The following DHX38 variants were observed in gnomAD, a reference collection of about 807,000 sequenced individuals.
DHX38 encodes DEAH-box helicase 38, also known as pre-mRNA-splicing factor ATP-dependent RNA helicase PRP16.
In DHX38, 100 loss-of-function variants were observed where a neutral mutation model predicts 153.1. The observed-to-expected ratio is 0.65, with a 90% CI of 0.56 to 0.77. The LOEUF (loss-of-function observed/expected upper bound fraction) is 0.77, where lower values mean the gene tolerates loss of function less well. Among genes scored for constraint, DHX38 ranks in the 30% least tolerant of loss-of-function variants. The probability of loss-of-function intolerance (pLI) is 0.00; values close to 1 mark genes in which losing one functional copy is unlikely to be tolerated. For missense variants in DHX38, 1,440 were observed against 1,654.0 expected (o/e 0.87, Z 2.24); for synonymous variants, 650 against 631.7 (o/e 1.03, Z -0.43).
In DHX38 at chr16:72,103,941, T is replaced by C; in HGVS notation, c.1825-5T>C. On this transcript the variant is annotated splice_polypyrimidine_tract_variant and splice_region_variant and intron_variant, in intron 13 of 26. Transcript: ENST00000268482. ...GGGCATCTGAGCCATCTCTCTGACCTCCAGGTGGGCTATGCCATCCGCTTT... is the reference window on the plus strand; with the variant it reads ...GGGCATCTGAGCCATCTCTCTGACCCCCAGGTGGGCTATGCCATCCGCTTT... 1.2e-6 allele frequency: 2 copies of C among 1,613,460 alleles called. No homozygotes were observed. Among genetic ancestry groups the C allele is most frequent in the Non-Finnish European group, 1.7e-6 (2 of 1,179,378 alleles).
In DHX38 at chr16:72,107,712, C is replaced by G. The variant is rs750232600; in HGVS notation, c.2877C>G (p.Leu959=). The change falls in exon 21 of 27, where the codon CTC becomes CTG. Residue 959 remains leucine, a synonymous_variant. Transcript: ENST00000268482. The surrounding 1 kb of genome is among the most constrained non-coding windows in gnomAD (Gnocchi z 5.3). The stretch of plus-strand genomic sequence containing the variant: ...TGGACCCTGCCCTGTCCAAGATGCT[C>G]ATCGTGTCCTGTGACATGGGCTGCA... The part of the protein sequence containing the change: ...FPLDPALSKM[L]IVSCDMGCSS... The G allele has an allele frequency of 6.2e-7, 1 of 1,614,158 alleles. No homozygotes were observed. The highest frequency in any genetic ancestry group is 1.1e-5 in the South Asian group (1 of 91,078).
chr16:72,098,913 G>A lies in DHX38; in HGVS notation c.765-14G>A. The A allele has an allele frequency of 6.2e-7, 1 of 1,614,180 alleles. No individual in the cohort carries two copies. The highest frequency in any genetic ancestry group is 1.1e-5 in the South Asian group (1 of 91,078). On this transcript the variant is annotated splice_polypyrimidine_tract_variant and intron_variant, in intron 5 of 26. Coordinates refer to ENST00000268482, the MANE Select transcript of DHX38 (RefSeq NM_014003.4). ...TCAGTGACAGTTTTGTGATGCTGGT[G>A]CTGCTGTTCCCAGGTCTGTGAGGGG...
Position 72,112,671 on chromosome 16 carries a change from T to G in DHX38, c.*174T>G. 1 of 753,026 alleles carries G rather than the reference T, an allele frequency of 1.3e-6. No homozygotes were observed. Among genetic ancestry groups the G allele is most frequent in the South Asian group, 1.5e-5 (1 of 68,692 alleles). The allele number at this position is 753,026 out of a possible 1,614,324, so 46.6% of individuals were successfully genotyped here. ...CTCTCTGGCAGAGGAGGTGGAGTTC[T>G]TCCATGCAGGAGCACGGCATGGCGG... On this transcript the variant is annotated 3_prime_UTR_variant, in exon 27 of 27. Coordinates refer to ENST00000268482, the MANE Select transcript of DHX38 (RefSeq NM_014003.4).
intron 19 of DHX38, among the ~76,000 whole-genome samples, chr16:72,106,650 T>C (rs1220729812): frequency 6.6e-6 from 1 of 152,090 alleles, no homozygotes; most frequent in Non-Finnish European, 1.5e-5. Context: ...GGTCTTGCTA[T>C]GTTGCCCAGG....
rs529808628 is a variant in DHX38 at position 72,104,882 on chromosome 16, C to T, written c.2152-145C>T. On this transcript the variant is annotated intron_variant, in intron 15 of 26. Transcript: ENST00000268482. The surrounding 1 kb of genome is among the most constrained non-coding windows in gnomAD (Gnocchi z 4.5). ...GCACTGTGCCCTCTTGTAGAGGCCT[C>T]GCAGTCAGGCCCATGTGGAGGTGTG... 1.1e-4 allele frequency: 91 copies of T among 863,344 alleles called. No individual in the cohort carries two copies. The African/African-American group carries it at 1.2e-3, about 11-fold the overall frequency. The allele number at this position is 863,344 out of a possible 1,614,324, so 53.5% of individuals were successfully genotyped here. A position where few individuals can be genotyped will look rare whatever the true frequency, so the allele number is the denominator to read the frequency against.
At chr16:72,112,380 G>A (rs374129316) in intron 26 of DHX38, 33 bp from the exon 27 acceptor site, 76 of 1,600,456 alleles carry the variant, frequency 4.7e-5, no homozygotes, top group Middle Eastern at 1.7e-4. Flanking sequence ...GTGAGGGCAC[G>A]GTGTTTCCTG....
At chr16:72,110,276 G>A (rs1195975582) in intron 25 of DHX38, among the ~76,000 whole-genome samples, 2 of 152,320 alleles carry the variant, frequency 1.3e-5, no homozygotes, top group South Asian at 2.1e-4. Context: ...TGCACTTGCT[G>A]TAAGCTGGCG....
Position 72,104,950 on chromosome 16 carries a change from G to A in DHX38, c.2152-77G>A. On this transcript the variant is annotated intron_variant, in intron 15 of 26. Transcript: ENST00000268482. This position sits in a 1 kb window ranked among gnomAD's most constrained non-coding sequence, Gnocchi z 4.5. ...TGGCTCCATTCCAGAGCAGTGCCTG[G>A]GCCACTGGGCTCCCAGGAGATGCCC... The A allele has an allele frequency of 7.1e-7, 1 of 1,404,640 alleles. No individual in the cohort carries two copies. Among genetic ancestry groups the A allele is most frequent in the East Asian group, 2.4e-5 (1 of 41,944 alleles). The allele number at this position is 1,404,640 out of a possible 1,614,324, so 87.0% of individuals were successfully genotyped here. A position where few individuals can be genotyped will look rare whatever the true frequency, so the allele number is the denominator to read the frequency against.
chr16:72,096,179 G>A lies in DHX38; in HGVS notation c.22G>A (p.Ala8Thr). 1.2e-6 allele frequency: 2 copies of A among 1,606,376 alleles called. No homozygotes were observed. Among genetic ancestry groups the A allele is most frequent in the South Asian group, 1.1e-5 (1 of 90,802 alleles). The change falls in exon 2 of 27, where the codon GCC (alanine) becomes ACC (threonine). Residue 8 changes from alanine to threonine, a missense_variant. Coordinates refer to ENST00000268482, the MANE Select transcript of DHX38 (RefSeq NM_014003.4). ...TGTGATGGGGGACACCAGTGAGGAT[G>A]CCTCGATCCATCGATTGGAAGGCAC... MGDTSED[A>T]SIHRLEGTDL...
At position 72,105,628 on chromosome 16, in the gene DHX38, A is replaced by C. The variant is rs960131163; in HGVS notation, c.2487+4A>C. 4 of 1,614,106 alleles carry C rather than the reference A, an allele frequency of 2.5e-6. No individual in the cohort carries two copies. Among genetic ancestry groups the C allele is most frequent in the Non-Finnish European group, 3.4e-6 (4 of 1,179,990 alleles). Reference sequence around the variant, plus strand: ...TTCTGGTTATTGCAAATTAAAGGTAAGAGAAGACATGGGAGGCAAGGCCTG... The same window carrying C: ...TTCTGGTTATTGCAAATTAAAGGTACGAGAAGACATGGGAGGCAAGGCCTG... On this transcript the variant is annotated splice_donor_region_variant and intron_variant, in intron 18 of 26. Coordinates refer to ENST00000268482, the MANE Select transcript of DHX38 (RefSeq NM_014003.4).
At chr16:72,110,794 G>T (rs2042245344) in intron 25 of DHX38, among the ~76,000 whole-genome samples, 162 bp from the exon 26 acceptor site, 1 of 151,972 alleles carries the variant, frequency 6.6e-6, no homozygotes, top group Non-Finnish European at 1.5e-5. Flanking sequence ...GCAGGCCTCA[G>T]CTGCAGAAGA....
At position 72,101,608 on chromosome 16, in the gene DHX38, T is replaced by C; in HGVS notation, c.1495T>C (p.Tyr499His). 6.4e-7 allele frequency: 1 copy of C among 1,551,418 alleles called. No individual in the cohort carries two copies. The highest frequency in any genetic ancestry group is 1.4e-5 in the African/African-American group (1 of 73,158). The stretch of plus-strand genomic sequence containing the variant: ...TGTGACGGAGGATGGGAAGGTGGAC[T>C]ACAGGTGGGCAGCCTCAGCCAGCAG... ...KAVTEDGKVD[Y>H]RTEQKFADHM... The change falls in exon 11 of 27, where the codon TAC (tyrosine) becomes CAC (histidine). Residue 499 changes from tyrosine (Y) to histidine (H), a missense_variant. By Grantham distance (83) the Tyr-to-His change is moderately conservative (BLOSUM62 2). Around this residue, in one of 6 missense-constraint regions of DHX38, gnomAD observed 241 missense variants for 229.5 expected, o/e 1.05. Coordinates refer to ENST00000268482, the MANE Select transcript of DHX38 (RefSeq NM_014003.4).
intron 25 of DHX38, among the ~76,000 whole-genome samples, chr16:72,110,554 G>A (rs1232496831): frequency 6.6e-6 from 1 of 152,220 alleles, no homozygotes; most frequent in Non-Finnish European, 1.5e-5. Context: ...AAATGGTGCT[G>A]GGCTTTGGCT....
At position 72,112,827 on chromosome 16, in the gene DHX38, G is replaced by T. The variant is rs1323330544; in HGVS notation, c.*330G>T. ...TGTGGCTGTCTTTTTTAATCCTTGT[G>T]TAAAGCAGCAAAAAAGACCTAAAGG... On this transcript the variant is annotated 3_prime_UTR_variant, in exon 27 of 27. Coordinates refer to ENST00000268482, the MANE Select transcript of DHX38 (RefSeq NM_014003.4). 1.4e-6 allele frequency: 1 copy of T among 702,568 alleles called. No individual in the cohort carries two copies. Among genetic ancestry groups the T allele is most frequent in the South Asian group, 1.5e-5 (1 of 67,592 alleles). 43.5% of individuals were successfully genotyped at this position (702,568 alleles called of 1,614,324 possible). A position where few individuals can be genotyped will look rare whatever the true frequency, so the allele number is the denominator to read the frequency against.
intron 1 of DHX38, among the ~76,000 whole-genome samples, chr16:72,094,848 G>A (rs939029966): frequency 2.0e-5 from 3 of 152,232 alleles, no homozygotes; most frequent in African/African-American, 7.2e-5. Context: ...TCTCAACTGC[G>A]TAGAATGGCA....
rs1273745206 is a variant in DHX38 at position 72,104,795 on chromosome 16, TC to T, written c.2151+170del. 3.9e-5 allele frequency among the ~76,000 whole-genome samples: 6 copies of T among 152,168 alleles called. No homozygotes were observed. The highest frequency in any genetic ancestry group is 1.4e-4 in the African/African-American group (6 of 41,426). Reference sequence around the variant, plus strand: ...GCTCTGGGACTCGGGGACAAAGGACTCTGCTCTGGGTGAGGTTTTGTTTCAT... The same window carrying T: ...GCTCTGGGACTCGGGGACAAAGGACTTGCTCTGGGTGAGGTTTTGTTTCAT... On this transcript the variant is annotated intron_variant, in intron 15 of 26. Transcript: ENST00000268482. This position sits in a 1 kb window ranked among gnomAD's most constrained non-coding sequence, Gnocchi z 4.5.
intron 11 of DHX38, 140 bp downstream of exon 11, chr16:72,101,752 T>A: frequency 1.5e-6 from 1 of 652,826 alleles, no homozygotes; most frequent in Non-Finnish European, 2.7e-6. Context: ...CCATTCTCTC[T>A]GGTCCCTTCC....
Position 72,104,598 on chromosome 16 carries a change from C to G in DHX38, c.2123C>G (p.Thr708Ser), listed in dbSNP as rs2042147352. 5.6e-6 allele frequency: 9 copies of G among 1,614,062 alleles called. No homozygotes were observed. Among genetic ancestry groups the G allele is most frequent in the Non-Finnish European group, 7.6e-6 (9 of 1,180,034 alleles). ...NVPIFHIPGR[T>S]FPVDILFSKT... is the part of the protein sequence containing the mutation. ...CCCATCTTCCACATCCCTGGCCGTA[C>G]CTTCCCTGTTGACATCCTCTTCAGC... The change falls in exon 15 of 27, where the codon ACC becomes AGC. Residue 708 changes from threonine to serine, a missense_variant. By Grantham distance (58) the Thr-to-Ser change is moderately conservative. Around this residue, in one of 6 missense-constraint regions of DHX38, gnomAD observed 543 missense variants for 717.9 expected, o/e 0.76. Coordinates refer to ENST00000268482, the MANE Select transcript of DHX38 (RefSeq NM_014003.4). This position sits in a 1 kb window ranked among gnomAD's most constrained non-coding sequence, Gnocchi z 4.5.
At position 72,105,578 on chromosome 16, in the gene DHX38, T is replaced by A; in HGVS notation, c.2441T>A (p.Val814Asp). ...AATATTGCCGAGACGTCTCTCACTGTTGACGGCATCATGTTTGTTATCGAT... is the reference window on the plus strand; with the variant it reads ...AATATTGCCGAGACGTCTCTCACTGATGACGGCATCATGTTTGTTATCGAT... Reference protein sequence around the residue: ...ATNIAETSLTVDGIMFVIDSG... With the variant: ...ATNIAETSLTDDGIMFVIDSG... Residue 814 changes from valine (V) to aspartate (D), a missense_variant, in exon 18 of 27, where the codon GTT becomes GAT. Physicochemically the swap from Val to Asp is radical, Grantham distance 152. This residue lies in a region of DHX38 where 543 missense variants were observed against 717.9 expected (regional missense o/e 0.76). Coordinates refer to ENST00000268482, the MANE Select transcript of DHX38 (RefSeq NM_014003.4). 1 of 1,614,252 alleles carries A rather than the reference T, an allele frequency of 6.2e-7. No individual in the cohort carries two copies. The highest frequency in any genetic ancestry group is 8.5e-7 in the Non-Finnish European group (1 of 1,180,052).
Sources: allele counts gnomAD v4.1 joint callset (sites outside exome capture counted in the v4.1 genomes callset), GRCh38; gene constraint gnomAD v4.1.1; regional missense constraint gnomAD v4.1.1; non-coding constraint Gnocchi (gnomAD v3.1); transcripts MANE v1.5; gene names NCBI Gene and HGNC (gene_info 2026-07-23, HGNC 2026-07-21).